LRBA: variants seen among roughly 807,000 people sequenced by gnomAD.
LRBA encodes lipopolysaccharide-responsive and beige-like anchor protein.
In LRBA, 176 loss-of-function variants were observed where a neutral mutation model predicts 330.0. That is an observed-to-expected ratio of 0.53 (90% confidence interval 0.47 to 0.60). LRBA has a LOEUF of 0.60. Among genes scored for constraint, LRBA ranks in the 20% least tolerant of loss-of-function variants. The probability of loss-of-function intolerance (pLI) is 0.00; values close to 1 mark genes in which losing one functional copy is unlikely to be tolerated. For missense variants in LRBA, 3,259 were observed against 3,444.8 expected (o/e 0.95, Z 1.35); for synonymous variants, 1,230 against 1,193.0 (o/e 1.03, Z -0.64).
intron 37 of LRBA, among the ~76,000 whole-genome samples, chr4:150,643,211 C>A (rs1177282996): frequency 1.3e-5 from 2 of 151,756 alleles, no homozygotes; most frequent in African/African-American, 4.8e-5. Flanking sequence ...AAAATGCAGA[C>A]CATTAGAGTT....
At position 150,793,596 on chromosome 4, in the gene LRBA, G is replaced by A. The variant is rs1330889367; in HGVS notation, c.5580+4485C>T. ...TGAACAGTACTATACTGGACGCTGGGGATACAATAGAAAAAAAACACAGTG... is the reference window on the plus strand; with the variant it reads ...TGAACAGTACTATACTGGACGCTGGAGATACAATAGAAAAAAAACACAGTG... On this transcript the variant is annotated intron_variant, in intron 34 of 56. Transcript: ENST00000651943. Among the ~76,000 whole-genome samples the A allele has an allele frequency of 2.6e-5, 4 of 151,944 alleles. No individual in the cohort carries two copies. In the East Asian group the frequency reaches 7.7e-4, roughly 29 times the overall value.
chr4:150,513,129 C>CA (rs746038167), intron 40 of LRBA, among the ~76,000 whole-genome samples: 2 of 152,162 alleles, frequency 1.3e-5, no homozygotes, highest in South Asian at 2.1e-4. Context: ...TGATGGCACA[C>CA]AAAAAAAGTG....
At chr4:150,690,861 T>C (rs1475976869) in intron 36 of LRBA, among the ~76,000 whole-genome samples, 2 of 150,644 alleles carry the variant, frequency 1.3e-5, no homozygotes, top group Middle Eastern at 3.4e-3. Context: ...ACAGAAAGCA[T>C]AGAAGAAAAT....
At chr4:150,461,178 G>T (rs11946839) in intron 44 of LRBA, among the ~76,000 whole-genome samples, 58,247 of 151,560 alleles carry the variant, frequency 0.38, 12,516 homozygotes, top group Non-Finnish European at 0.5. Context: ...GCTGCTTGTA[G>T]GTACTAGGTA....
At chr4:150,270,511 C>T (rs1745933016) in intron 56 of LRBA, among the ~76,000 whole-genome samples, 1 of 152,156 alleles carries the variant, frequency 6.6e-6, no homozygotes, top group African/African-American at 2.4e-5. Context: ...CAGAAAGTAG[C>T]ATGCACATGA....
chr4:150,983,512 G>A (rs1440017308), intron 2 of LRBA, among the ~76,000 whole-genome samples: 1 of 146,996 alleles, frequency 6.8e-6, no homozygotes, highest in Non-Finnish European at 1.5e-5. Context: ...GTAGTGCAGT[G>A]GCACGATCTC....
chr4:150,380,190 A>C (rs1288372044), intron 47 of LRBA, among the ~76,000 whole-genome samples: 4 of 151,690 alleles, frequency 2.6e-5, no homozygotes, highest in Non-Finnish European at 5.9e-5. Flanking sequence ...AAAAAAACAA[A>C]ACAAAACAAA....
At chr4:150,335,658 G>T (rs1911519) in intron 48 of LRBA, among the ~76,000 whole-genome samples, 146,467 of 152,088 alleles carry the variant, frequency 0.96, 70,646 homozygotes, top group Non-Finnish European at 0.99. Context: ...CTTAACACAG[G>T]GCCTGGCTAG....
chr4:150,306,227 C>T (rs1413213686), intron 52 of LRBA, among the ~76,000 whole-genome samples: 1 of 152,024 alleles, frequency 6.6e-6, no homozygotes, highest in Non-Finnish European at 1.5e-5. Context: ...AAAGAATTTC[C>T]TGTTACAATC....
At chr4:150,941,323 T>C (rs1228548083) in intron 2 of LRBA, among the ~76,000 whole-genome samples, 2 of 151,998 alleles carry the variant, frequency 1.3e-5, no homozygotes, top group South Asian at 2.1e-4. Flanking sequence ...CAGCTAATTT[T>C]TGTATTTTTA....
At chr4:150,504,883 C>A (rs1452709934) in intron 40 of LRBA, among the ~76,000 whole-genome samples, 2 of 152,088 alleles carry the variant, frequency 1.3e-5, no homozygotes, top group African/African-American at 2.4e-5. Context: ...GGAGGAAGAT[C>A]TACCAAGCAA....
chr4:150,513,687 C>T lies in LRBA; in HGVS notation c.6331-22652G>A, dbSNP rs189255234. ...CAGATGACTTCCTGCTCCCTGTCCC[C>T]TCACATAGTGGAGACAGAGAATTTC... On this transcript the variant is annotated intron_variant, in intron 40 of 56. Coordinates refer to ENST00000651943, the MANE Select transcript of LRBA (RefSeq NM_001364905.1). Among the ~76,000 whole-genome samples the T allele has an allele frequency of 2.8e-3, 419 of 152,282 alleles. 2 individuals are homozygous for T. Among genetic ancestry groups the T allele is most frequent in the African/African-American group, 7.0e-3 (291 of 41,546 alleles).
intron 37 of LRBA, among the ~76,000 whole-genome samples, chr4:150,636,384 T>A (rs1046920933): frequency 5.3e-5 from 8 of 152,278 alleles, no homozygotes; most frequent in African/African-American, 1.9e-4. Context: ...TGTTCACTGA[T>A]TTGGCCAGTG....
At chr4:150,803,083 T>TATACACACACACAC (rs748531851) in intron 33 of LRBA, among the ~76,000 whole-genome samples, 5 of 128,488 alleles carry the variant, frequency 3.9e-5, no homozygotes, top group East Asian at 4.4e-4. Context: ...AAAATATATA[T>TATACACACACACAC]ACACACACAC....
intron 2 of LRBA, among the ~76,000 whole-genome samples, chr4:150,966,964 T>G (rs1326411518): frequency 6.6e-6 from 1 of 152,240 alleles, no homozygotes; most frequent in Non-Finnish European, 1.5e-5. Flanking sequence ...CCTTGAAATC[T>G]AAACAACATA....
intron 2 of LRBA, chr4:151,013,619 A>G (rs1044579270): frequency 1.4e-4 from 21 of 152,330 alleles, no homozygotes; most frequent in African/African-American, 5.1e-4. Flanking sequence ...ACAACTACTC[A>G]TAAGACTGAA....
At chr4:150,879,903 C>T (rs1728173559) in intron 17 of LRBA, among the ~76,000 whole-genome samples, 1 of 152,082 alleles carries the variant, frequency 6.6e-6, no homozygotes, top group Admixed American at 6.6e-5. Context: ...TACTAAAATA[C>T]ATACGGAACC....
chr4:150,811,004 G>A (rs1309997926), intron 31 of LRBA, among the ~76,000 whole-genome samples: 2 of 152,168 alleles, frequency 1.3e-5, no homozygotes, highest in Non-Finnish European at 2.9e-5. Flanking sequence ...TAGAGGGCAA[G>A]ACCAGGGAAG....
chr4:150,605,345 A>G (rs374787840), intron 37 of LRBA, among the ~76,000 whole-genome samples: 1 of 152,228 alleles, frequency 6.6e-6, no homozygotes, highest in Non-Finnish European at 1.5e-5. Context: ...AAACACAATC[A>G]TATTAGAAAA....
Sources: allele counts gnomAD v4.1 joint callset (sites outside exome capture counted in the v4.1 genomes callset), GRCh38; gene constraint gnomAD v4.1.1; transcripts MANE v1.5; gene names NCBI Gene and HGNC (gene_info 2026-07-23, HGNC 2026-07-21).